ARHGEF4: variants seen among roughly 807,000 people sequenced by gnomAD.
ARHGEF4 encodes the protein Rho guanine nucleotide exchange factor 4.
Under a neutral mutation model 162.0 loss-of-function variants are expected in ARHGEF4, and 119 were observed. The observed-to-expected ratio is 0.73, with a 90% CI of 0.63 to 0.86. The LOEUF is 0.86. Ranked by LOEUF, ARHGEF4 falls within the 40% of genes least tolerant of loss-of-function variation. The probability of loss-of-function intolerance (pLI) is 0.00; values close to 1 mark genes in which losing one functional copy is unlikely to be tolerated. For synonymous variants in ARHGEF4, 1,014 were observed against 979.9 expected (o/e 1.03, Z -0.65); for missense variants, 2,488 against 2,456.0 (o/e 1.01, Z -0.28).
chr2:130,844,096 C>T (rs1680782738), intron 1 of ARHGEF4, among the ~76,000 whole-genome samples: 1 of 152,226 alleles, frequency 6.6e-6, no homozygotes, highest in Non-Finnish European at 1.5e-5. Flanking sequence ...CACTCTGGGT[C>T]TCCTGTAGGA....
At chr2:131,010,364 G>C (rs969344126) in intron 4 of ARHGEF4, among the ~76,000 whole-genome samples, 2 of 152,194 alleles carry the variant, frequency 1.3e-5, no homozygotes, top group Admixed American at 6.5e-5. Flanking sequence ...TCATTCTCCA[G>C]TGCCATCAGA....
chr2:130,904,214 A>G (rs1680678573), intron 1 of ARHGEF4, among the ~76,000 whole-genome samples: 1 of 150,836 alleles, frequency 6.6e-6, no homozygotes, highest in Admixed American at 6.6e-5. Flanking sequence ...AGCCATCCTG[A>G]CTGGTGCATC....
In ARHGEF4 at chr2:130,914,036, C is replaced by A. The variant is rs763761899; in HGVS notation, c.90C>A (p.Asn30Lys). 8 of 1,536,002 alleles carry A rather than the reference C, an allele frequency of 5.2e-6. No individual in the cohort carries two copies. In the South Asian group the frequency reaches 9.5e-5, roughly 18 times the overall value. ...HLPGEGEIEDNQLPTSPAEQV... is the reference protein window; with the variant it reads ...HLPGEGEIEDKQLPTSPAEQV... Reference sequence around the variant, plus strand: ...CAGGTGAAGGTGAGATTGAAGATAACCAGCTCCCCACATCCCCTGCAGAAC... The same window carrying A: ...CAGGTGAAGGTGAGATTGAAGATAAACAGCTCCCCACATCCCCTGCAGAAC... The change falls in exon 2 of 14, where the codon AAC (asparagine) becomes AAA (lysine). Residue 30 changes from asparagine to lysine, a missense_variant. By Grantham distance (94) the Asn-to-Lys change is moderately conservative. Transcript: ENST00000409359.
chr2:130,940,934 C>G (rs1253395782), intron 3 of ARHGEF4, among the ~76,000 whole-genome samples: 1 of 151,236 alleles, frequency 6.6e-6, no homozygotes, highest in Non-Finnish European at 1.5e-5. Flanking sequence ...AGAGTTGTTA[C>G]AGTAGTCAGA....
intron 1 of ARHGEF4, among the ~76,000 whole-genome samples, chr2:130,876,883 C>T (rs1678882118): frequency 6.6e-6 from 1 of 152,156 alleles, no homozygotes; most frequent in African/African-American, 2.4e-5. Flanking sequence ...GGCTCAGCAG[C>T]TCTTACAAAT....
rs75463582 is a variant in ARHGEF4, at chr2:130,920,353, G to A, written c.3552+2855G>A. Among the ~76,000 whole-genome samples the A allele has an allele frequency of 7.6e-3, 1,156 of 152,308 alleles. 17 individuals carry two copies. The highest frequency in any genetic ancestry group is 0.027 in the African/African-American group (1,121 of 41,558). On this transcript the variant is annotated intron_variant, in intron 2 of 13. Transcript: ENST00000409359. Reference sequence around the variant, plus strand: ...CTGCATGGGTTTTAACAAATAGTAAGTGAGATGATGATTATAAAGTATACA... The same window carrying A: ...CTGCATGGGTTTTAACAAATAGTAAATGAGATGATGATTATAAAGTATACA...
At chr2:130,872,539 C>T (rs1166114814) in intron 1 of ARHGEF4, among the ~76,000 whole-genome samples, 1 of 152,122 alleles carries the variant, frequency 6.6e-6, no homozygotes, top group Non-Finnish European at 1.5e-5. Context: ...CTGAATCACG[C>T]CAATTGTGTG....
intron 4 of ARHGEF4, among the ~76,000 whole-genome samples, chr2:131,009,678 G>A (rs908460275): frequency 6.6e-6 from 1 of 152,040 alleles, no homozygotes; most frequent in East Asian, 1.9e-4. Flanking sequence ...CTCCAGTTCT[G>A]GAATTTCTAT....
intron 12 of ARHGEF4, among the ~76,000 whole-genome samples, chr2:131,044,975 G>A (rs951514116): frequency 2.0e-5 from 3 of 152,098 alleles, no homozygotes; most frequent in African/African-American, 7.2e-5. Context: ...CCCCATGCAC[G>A]CAGACATCTC....
At chr2:130,981,545 G>C (rs1686117923) in intron 4 of ARHGEF4, among the ~76,000 whole-genome samples, 1 of 151,768 alleles carries the variant, frequency 6.6e-6, no homozygotes, top group African/African-American at 2.4e-5. Context: ...TGTAGTCCCA[G>C]CTACTCAGGA....
At chr2:130,844,811 A>AAT (rs1212795944) in intron 1 of ARHGEF4, among the ~76,000 whole-genome samples, 85 of 151,456 alleles carry the variant, frequency 5.6e-4, no homozygotes, top group African/African-American at 1.6e-3. Flanking sequence ...TCCCCAAACA[A>AAT]ATATATATAT....
At chr2:130,986,501 A>G (rs1392160986) in intron 4 of ARHGEF4, among the ~76,000 whole-genome samples, 1 of 152,222 alleles carries the variant, frequency 6.6e-6, no homozygotes, top group Non-Finnish European at 1.5e-5. Context: ...GCTAGAAAGC[A>G]GCTCAGAGGG....
At chr2:131,006,969 G>A (rs1044643738) in intron 4 of ARHGEF4, among the ~76,000 whole-genome samples, 15 of 152,208 alleles carry the variant, frequency 9.9e-5, no homozygotes, top group African/African-American at 3.6e-4. Context: ...TCACCCTGTG[G>A]CTTAAGATTG....
intron 4 of ARHGEF4, among the ~76,000 whole-genome samples, chr2:130,977,350 G>C (rs1685807545): frequency 6.6e-6 from 1 of 151,768 alleles, no homozygotes; most frequent in South Asian, 2.1e-4. Context: ...GGTGTGTGTA[G>C]AGTATGGTGC....
intron 4 of ARHGEF4, among the ~76,000 whole-genome samples, chr2:130,970,587 CAAAAAAAAAA>C (rs57254908): frequency 6.0e-5 from 7 of 116,956 alleles, no homozygotes; most frequent in African/African-American, 9.5e-5. Context: ...GAAACTCCAT[CAAAAAAAAAA>C]AAAAAAAAAA....
chr2:131,021,583 G>T (rs990376759), intron 4 of ARHGEF4, among the ~76,000 whole-genome samples: 9 of 152,292 alleles, frequency 5.9e-5, no homozygotes, highest in African/African-American at 2.2e-4. Flanking sequence ...AGGACTTCAT[G>T]ACTAAAACAC....
chr2:131,045,918 A>C, intron 13 of ARHGEF4, 120 bp from the exon 14 acceptor site: 1 of 1,495,880 alleles, frequency 6.7e-7, no homozygotes. Flanking sequence ...TGTGTGGCAA[A>C]ACTGCCTCCT....
At chr2:130,901,096 G>C (rs947672978) in intron 1 of ARHGEF4, among the ~76,000 whole-genome samples, 47 of 152,096 alleles carry the variant, frequency 3.1e-4, no homozygotes, top group African/African-American at 1.1e-3. Flanking sequence ...ACTGCCACTG[G>C]GGGAGAGAAG....
chr2:130,976,060 C>T (rs973099406), intron 4 of ARHGEF4, among the ~76,000 whole-genome samples: 2 of 152,204 alleles, frequency 1.3e-5, no homozygotes, highest in Middle Eastern at 3.4e-3. Context: ...ATCCGAATCC[C>T]GTGTTTACTC....
Sources: gnomAD v4.1 joint callset for allele counts (sites outside exome capture counted in the v4.1 genomes callset) on GRCh38, gnomAD v4.1.1 for gene constraint, MANE v1.5 for transcripts, NCBI Gene and HGNC (gene_info 2026-07-23, HGNC 2026-07-21) for gene names.